NUP210: variants seen among roughly 807,000 people sequenced by gnomAD.
NUP210 encodes the protein nuclear pore membrane glycoprotein 210.
Under a neutral mutation model 196.0 loss-of-function variants are expected in NUP210, and 151 were observed. The observed-to-expected ratio is 0.77, with a 90% confidence interval of 0.67 to 0.88. NUP210 has a LOEUF of 0.88. Among genes scored for constraint, NUP210 ranks in the 40% least tolerant of loss-of-function variants. The pLI, the probability that NUP210 is intolerant of heterozygous loss-of-function variation, is 0.00. For synonymous variants in NUP210, 1,070 were observed against 1,052.7 expected (o/e 1.02, Z -0.32); for missense variants, 2,314 against 2,493.7 (o/e 0.93, Z 1.53).
intron 4 of NUP210, among the ~76,000 whole-genome samples, chr3:13,390,937 C>T (rs1229026849): frequency 6.6e-6 from 1 of 152,262 alleles, no homozygotes; most frequent in East Asian, 1.9e-4. Flanking sequence ...CCTGAGACAG[C>T]CATGCATGTC....
intron 13 of NUP210, among the ~76,000 whole-genome samples, chr3:13,368,877 C>A (rs1698630355): frequency 1.3e-5 from 2 of 152,216 alleles, no homozygotes; most frequent in African/African-American, 4.8e-5. Context: ...TTGTGAATAA[C>A]ACTGCCATGA....
intron 1 of NUP210, among the ~76,000 whole-genome samples, chr3:13,412,815 C>T (rs187389578): frequency 7.4e-4 from 111 of 149,854 alleles, no homozygotes; most frequent in African/African-American, 2.5e-3. Flanking sequence ...ACTAAAAATA[C>T]AAAAAATTAG....
At chr3:13,320,974 C>T (rs185491915) in intron 36 of NUP210, among the ~76,000 whole-genome samples, 241 of 152,390 alleles carry the variant, frequency 1.6e-3, no homozygotes, top group African/African-American at 5.4e-3. Flanking sequence ...TCTGCTCACG[C>T]CGCCAGCGGG....
chr3:13,339,792 AC>A, intron 25 of NUP210, 61 bp downstream of exon 25: 1 of 1,464,662 alleles, frequency 6.8e-7, no homozygotes, highest in Non-Finnish European at 9.5e-7. Context: ...TAGAACTCAA[AC>A]ACAGTAAAGA....
At chr3:13,396,320 C>T (rs982017944) in intron 3 of NUP210, among the ~76,000 whole-genome samples, 1 of 151,984 alleles carries the variant, frequency 6.6e-6, no homozygotes, top group Non-Finnish European at 1.5e-5. Flanking sequence ...TTTTCAAAAA[C>T]AGGAGCTAGA....
At chr3:13,328,988 G>A (rs1417027530) in intron 30 of NUP210, 42 bp from the exon 31 acceptor site, 2 of 1,567,168 alleles carry the variant, frequency 1.3e-6, no homozygotes, top group African/African-American at 1.4e-5. Flanking sequence ...TCAGTGCCAG[G>A]GACTGGCCTC....
In NUP210 at chr3:13,323,140, T is replaced by C. The variant is rs1696606413; in HGVS notation, c.4768+169A>G. 6.6e-6 allele frequency among the ~76,000 whole-genome samples: 1 copy of C among 152,156 alleles called. No homozygotes were observed. Among genetic ancestry groups the C allele is most frequent in the Non-Finnish European group, 1.5e-5 (1 of 68,020 alleles). ...TTCACTGGCTCAGCTTTTGGAGGAC[T>C]CCAATTTCAGAAACGCTGGAAGGAG... is the stretch of plus-strand genomic sequence containing the variant. On this transcript the variant is annotated intron_variant, in intron 34 of 39. Transcript: ENST00000254508. This position sits in a 1 kb window ranked among gnomAD's most constrained non-coding sequence, Gnocchi z 4.3.
At chr3:13,412,723 A>G (rs1700218310) in intron 1 of NUP210, among the ~76,000 whole-genome samples, 1 of 151,934 alleles carries the variant, frequency 6.6e-6, no homozygotes, top group Admixed American at 6.6e-5. Context: ...CAATTAAAAA[A>G]AAAAAAGGGA....
intron 33 of NUP210, among the ~76,000 whole-genome samples, chr3:13,324,057 C>A (rs550912109): frequency 2.6e-5 from 4 of 152,188 alleles, no homozygotes; most frequent in African/African-American, 9.6e-5. Flanking sequence ...AGCAGGGATG[C>A]GATTGAAGCC....
Position 13,388,306 on chromosome 3 carries a change from G to T in NUP210, c.681C>A (p.Tyr227Ter). ...KLKARIQEAV[Y>*]KNVRPAEVRL... Reference sequence around the variant, plus strand: ...CACCCCAGCGCCCCAGGCCCACCTTGTAGACAGCCTCCTGGATGCGAGCCT... The same window carrying T: ...CACCCCAGCGCCCCAGGCCCACCTTTTAGACAGCCTCCTGGATGCGAGCCT... The change falls in exon 5 of 40, where the codon TAC (tyrosine) becomes TAA (stop). Residue 227 changes from tyrosine (Y) to a stop codon, truncating the protein, a stop_gained. Coordinates refer to ENST00000254508, the MANE Select transcript of NUP210 (RefSeq NM_024923.4). LOFTEE classifies it high-confidence loss of function. 1 of 1,604,876 alleles carries T rather than the reference G, an allele frequency of 6.2e-7. No individual in the cohort carries two copies. Among genetic ancestry groups the T allele is most frequent in the South Asian group, 1.1e-5 (1 of 89,584 alleles).
intron 37 of NUP210, among the ~76,000 whole-genome samples, 156 bp from the exon 38 acceptor site, chr3:13,319,481 C>G (rs1203175518): frequency 1.3e-5 from 2 of 152,114 alleles, no homozygotes; most frequent in Non-Finnish European, 2.9e-5. Flanking sequence ...GCTGGAGGCC[C>G]GGGCCCACAG....
intron 3 of NUP210, among the ~76,000 whole-genome samples, chr3:13,393,482 A>G (rs1435505523): frequency 6.6e-6 from 1 of 152,268 alleles, no homozygotes; most frequent in Admixed American, 6.5e-5. Flanking sequence ...CTGCTCGGGC[A>G]GGTGCACACA....
Position 13,343,319 on chromosome 3 carries a change from G to A in NUP210, c.2836-16C>T, listed in dbSNP as rs752781221. The A allele has an allele frequency of 1.2e-5, 19 of 1,609,310 alleles. No homozygotes were observed. The African/African-American group carries it at 1.2e-4, about 10-fold the overall frequency. ...AAGGGTGCACCTGCAAGGTTGGGGC[G>A]GAGGTGGAGGGGTGGGTGGTGGGTT... On this transcript the variant is annotated splice_polypyrimidine_tract_variant and intron_variant, in intron 20 of 39. Transcript: ENST00000254508.
rs116986040 is a variant in NUP210 at position 13,372,693 on chromosome 3, T to A, written c.1588-661A>T. On this transcript the variant is annotated intron_variant, in intron 12 of 39. Coordinates refer to ENST00000254508, the MANE Select transcript of NUP210 (RefSeq NM_024923.4). Reference sequence around the variant, plus strand: ...TAAAACTAGAATCCCACCTCCTGGTTAAGGAGGGGCTCTCCTCAACCCCAC... The same window carrying A: ...TAAAACTAGAATCCCACCTCCTGGTAAAGGAGGGGCTCTCCTCAACCCCAC... Among the ~76,000 whole-genome samples the A allele has an allele frequency of 2.0e-4, 30 of 152,216 alleles. 1 individual carries two copies. In the East Asian group the frequency reaches 5.4e-3, roughly 28 times the overall value.
intron 6 of NUP210, among the ~76,000 whole-genome samples, chr3:13,380,912 A>G (rs1699078498): frequency 6.6e-6 from 1 of 152,250 alleles, no homozygotes; most frequent in African/African-American, 2.4e-5. Context: ...TTGGGTCCCC[A>G]AAGTGTGGTC....
chr3:13,378,001 A>G (rs1420864863), intron 8 of NUP210, among the ~76,000 whole-genome samples: 6 of 152,142 alleles, frequency 3.9e-5, no homozygotes, highest in Admixed American at 3.3e-4. Context: ...TGAGGAGCAG[A>G]AGTCTAATGC....
chr3:13,371,732 G>T, intron 13 of NUP210, 102 bp downstream of exon 13: 2 of 1,069,772 alleles, frequency 1.9e-6, no homozygotes, highest in Non-Finnish European at 2.8e-6. Context: ...CCCCTCTGCT[G>T]CCTCAAGCCC....
Position 13,360,496 on chromosome 3 carries a change from G to A in NUP210, c.1933-5C>T, listed in dbSNP as rs531210864. ...AACAGAGGAGGGATCCACAGCCTGG[G>A]GACAGAAGAGGCAGAAGACTTGGCA... On this transcript the variant is annotated splice_polypyrimidine_tract_variant and splice_region_variant and intron_variant, in intron 14 of 39. Transcript: ENST00000254508. The A allele has an allele frequency of 1.9e-6, 3 of 1,600,436 alleles. No homozygotes were observed. Among genetic ancestry groups the A allele is most frequent in the African/African-American group, 2.7e-5 (2 of 74,896 alleles).
chr3:13,370,728 C>G (rs948232784), intron 13 of NUP210, among the ~76,000 whole-genome samples: 1 of 152,242 alleles, frequency 6.6e-6, no homozygotes, highest in African/African-American at 2.4e-5. Context: ...GAGATACTGG[C>G]CTCCTTCTGT....
Sources: gnomAD v4.1 joint callset for allele counts (sites outside exome capture counted in the v4.1 genomes callset) on GRCh38, gnomAD v4.1.1 for gene constraint, Gnocchi (gnomAD v3.1) non-coding constraint, MANE v1.5 for transcripts, NCBI Gene and HGNC (gene_info 2026-07-23, HGNC 2026-07-21) for gene names.